The following DNAJC1 variants were observed in gnomAD, a reference collection of about 807,000 sequenced individuals.
DNAJC1 encodes the protein DnaJ heat shock protein family (Hsp40) member C1.
Under a neutral mutation model 76.6 loss-of-function variants are expected in DNAJC1, and 58 were observed. That is an observed-to-expected ratio of 0.76 (90% CI 0.61 to 0.94). The LOEUF (loss-of-function observed/expected upper bound fraction) is 0.94, where lower values mean the gene tolerates loss of function less well. Among genes scored for constraint, DNAJC1 ranks in the 40% least tolerant of loss-of-function variants. DNAJC1 has a pLI of 0.00. For synonymous variants in DNAJC1, 258 were observed against 267.9 expected (o/e 0.96, Z 0.36); for missense variants, 689 against 677.3 (o/e 1.02, Z -0.19).
At chr10:21,816,242 C>A (rs1835072813) in intron 8 of DNAJC1, among the ~76,000 whole-genome samples, 1 of 151,558 alleles carries the variant, frequency 6.6e-6, no homozygotes, top group Non-Finnish European at 1.5e-5. Flanking sequence ...AGCCTGTAAT[C>A]CCAGCTACTT....
At position 21,922,691 on chromosome 10, in the gene DNAJC1, G is replaced by T. The variant is rs1478832464; in HGVS notation, c.372-1728C>A. On this transcript the variant is annotated intron_variant, in intron 3 of 11. Transcript: ENST00000376980. ...AATGAGAAAATGTATAGGTAAAAAG[G>T]TTTCAAGTGCTCTAACATAAGATTA... Among the ~76,000 whole-genome samples the T allele has an allele frequency of 2.0e-5, 3 of 151,884 alleles. No individual in the cohort carries two copies. In the East Asian group the frequency reaches 5.8e-4, roughly 29 times the overall value.
intron 8 of DNAJC1, among the ~76,000 whole-genome samples, chr10:21,811,940 CTTG>C (rs1238756541): frequency 2.0e-5 from 3 of 152,140 alleles, no homozygotes; most frequent in African/African-American, 7.2e-5. Context: ...CATGAGCATT[CTTG>C]TTGTTCCACA....
intron 6 of DNAJC1, among the ~76,000 whole-genome samples, chr10:21,911,889 T>C (rs1836870167): frequency 6.6e-6 from 1 of 152,226 alleles, no homozygotes. Flanking sequence ...GGCTTTGTAT[T>C]AGATTATTTT....
intron 8 of DNAJC1, among the ~76,000 whole-genome samples, chr10:21,814,677 C>A (rs763063948): frequency 6.6e-6 from 1 of 152,104 alleles, no homozygotes; most frequent in Non-Finnish European, 1.5e-5. Context: ...GTGCTTTCAT[C>A]CTTTCAGGGA....
At chr10:21,833,933 T>G (rs998462006) in intron 8 of DNAJC1, among the ~76,000 whole-genome samples, 4 of 152,050 alleles carry the variant, frequency 2.6e-5, no homozygotes, top group African/African-American at 7.2e-5. Context: ...GAAAGATCAC[T>G]GTAGGGTAAG....
chr10:21,760,108 A>G (rs921842981), intron 10 of DNAJC1, among the ~76,000 whole-genome samples: 3 of 152,174 alleles, frequency 2.0e-5, no homozygotes, highest in Non-Finnish European at 4.4e-5. Context: ...TAAACATGGA[A>G]AAGAAACATT....
At chr10:21,780,256 T>C (rs1361186616) in intron 9 of DNAJC1, among the ~76,000 whole-genome samples, 1 of 152,114 alleles carries the variant, frequency 6.6e-6, no homozygotes, top group East Asian at 1.9e-4. Context: ...ACCACAAAGA[T>C]ACTCCTTGAG....
At chr10:21,890,439 A>G (rs1188473805) in intron 7 of DNAJC1, among the ~76,000 whole-genome samples, 1 of 151,580 alleles carries the variant, frequency 6.6e-6, no homozygotes, top group Non-Finnish European at 1.5e-5. Flanking sequence ...AAAAAAAAAA[A>G]AGAAAGGAAG....
intron 1 of DNAJC1, among the ~76,000 whole-genome samples, chr10:21,970,109 C>A (rs547853281): frequency 2.0e-5 from 3 of 152,180 alleles, no homozygotes; most frequent in Non-Finnish European, 4.4e-5. Context: ...TCTCACTACT[C>A]AGCATTTTGG....
At chr10:21,773,520 C>G (rs1046130142) in intron 9 of DNAJC1, among the ~76,000 whole-genome samples, 13 of 152,206 alleles carry the variant, frequency 8.5e-5, no homozygotes, top group Middle Eastern at 6.8e-3. Flanking sequence ...TCCTTTTAAA[C>G]TTATTGACGT....
intron 1 of DNAJC1, among the ~76,000 whole-genome samples, chr10:21,965,865 C>T (rs1299374142): frequency 6.6e-6 from 1 of 152,172 alleles, no homozygotes; most frequent in Non-Finnish European, 1.5e-5. Context: ...ACTGCAGACT[C>T]GCCCTGAATT....
At chr10:21,974,706 A>AT (rs1838034232) in intron 1 of DNAJC1, among the ~76,000 whole-genome samples, 1 of 152,212 alleles carries the variant, frequency 6.6e-6, no homozygotes, top group Non-Finnish European at 1.5e-5. Flanking sequence ...AACCTGTAGC[A>AT]ATATATACAA....
rs1835116461 is a variant in DNAJC1 at position 21,819,000 on chromosome 10, T to C, written c.979-12901A>G. ...GTTAGATGCATCACTATTATACTAC[T>C]TGGGATAAAGCAAAATCGTATTTAA... is the stretch of plus-strand genomic sequence containing the variant. On this transcript the variant is annotated intron_variant, in intron 8 of 11. Transcript: ENST00000376980. Among the ~76,000 whole-genome samples, 3 of 152,162 alleles carry C rather than the reference T, an allele frequency of 2.0e-5. No homozygotes were observed. In the South Asian group the frequency reaches 6.2e-4, roughly 31 times the overall value.
At chr10:21,978,660 A>G (rs1240437915) in intron 1 of DNAJC1, among the ~76,000 whole-genome samples, 1 of 152,138 alleles carries the variant, frequency 6.6e-6, no homozygotes, top group African/African-American at 2.4e-5. Flanking sequence ...AGTGACTACT[A>G]AAGTAGATGA....
intron 8 of DNAJC1, among the ~76,000 whole-genome samples, chr10:21,824,464 A>T (rs1564798495): frequency 6.6e-6 from 1 of 152,236 alleles, no homozygotes; most frequent in Non-Finnish European, 1.5e-5. Context: ...AGGATGGTGG[A>T]AATACATTTG....
intron 9 of DNAJC1, among the ~76,000 whole-genome samples, chr10:21,772,271 C>CTTTTTTTTTTTT (rs398045895): frequency 1.1e-5 from 1 of 93,042 alleles, no homozygotes; most frequent in Non-Finnish European, 2.0e-5. Flanking sequence ...CACCCCTCTT[C>CTTTTTTTTTTTT]TTTTTTTTTT....
chr10:21,820,065 C>T (rs1353375291), intron 8 of DNAJC1, among the ~76,000 whole-genome samples: 4 of 152,166 alleles, frequency 2.6e-5, no homozygotes, highest in South Asian at 2.1e-4. Flanking sequence ...TGAATAGATA[C>T]TTCTTATCCT....
At chr10:21,956,515 A>T (rs945201576) in intron 1 of DNAJC1, among the ~76,000 whole-genome samples, 1 of 151,740 alleles carries the variant, frequency 6.6e-6, no homozygotes, top group Non-Finnish European at 1.5e-5. Context: ...GCTTATATAT[A>T]CACATATAAA....
chr10:21,953,723 G>A (rs1037080479), intron 1 of DNAJC1, among the ~76,000 whole-genome samples: 2 of 148,352 alleles, frequency 1.3e-5, no homozygotes, highest in Admixed American at 1.4e-4. Flanking sequence ...TTGTACCTAC[G>A]CTTTTGTTAT....
Sources: allele counts gnomAD v4.1 joint callset (sites outside exome capture counted in the v4.1 genomes callset), GRCh38; gene constraint gnomAD v4.1.1; transcripts MANE v1.5; gene names NCBI Gene and HGNC (gene_info 2026-07-23, HGNC 2026-07-21).